The following CENPW variants were observed in gnomAD, a reference collection of about 807,000 sequenced individuals.
CENPW encodes the protein cancer-up-regulated gene 2 protein.
Under a neutral mutation model 11.1 loss-of-function variants are expected in CENPW, and 3 were observed. The ratio of observed to expected loss-of-function variants is 0.27; its 90% CI spans 0.12 to 0.70. CENPW has a LOEUF of 0.70. CENPW is among the 30% of genes least tolerant of loss of function. The pLI, the probability that CENPW is intolerant of heterozygous loss-of-function variation, is 0.77. For synonymous variants in CENPW, 38 were observed against 42.0 expected (o/e 0.91, Z 0.37); for missense variants, 100 against 105.6 (o/e 0.95, Z 0.23).
the CENPW span, among the ~76,000 whole-genome samples, chr6:126,359,317 T>C: frequency 2.0e-5 from 3 of 152,106 alleles, no homozygotes; most frequent in South Asian, 2.1e-4. Context: ...TTTTTTTTAA[T>C]TTATTGAGAC....
At chr6:126,469,426 CTT>C in the CENPW span, among the ~76,000 whole-genome samples, 3 of 152,132 alleles carry the variant, frequency 2.0e-5, no homozygotes, top group East Asian at 1.9e-4. Context: ...AGTTAAACCT[CTT>C]GTTTATAAAT....
At chr6:126,342,518 A>G (rs1479729654) in intron 1 of CENPW, among the ~76,000 whole-genome samples, 2 of 152,098 alleles carry the variant, frequency 1.3e-5, no homozygotes, top group East Asian at 1.9e-4. Context: ...GTCTCCCATT[A>G]TCTTTAACAC....
chr6:126,359,935 C>T, the CENPW span, among the ~76,000 whole-genome samples: 1 of 151,840 alleles, frequency 6.6e-6, no homozygotes, highest in Non-Finnish European at 1.5e-5. Flanking sequence ...TACATTCAGG[C>T]CTGGTATTGG....
At chr6:126,459,651 T>G in the CENPW span, among the ~76,000 whole-genome samples, 1 of 151,562 alleles carries the variant, frequency 6.6e-6, no homozygotes, top group Non-Finnish European at 1.5e-5. Flanking sequence ...ATCTTGTATA[T>G]TAGCTTGCAA....
the CENPW span, among the ~76,000 whole-genome samples, chr6:126,413,102 C>A: frequency 2.0e-5 from 3 of 151,926 alleles, no homozygotes; most frequent in Non-Finnish European, 4.4e-5. Context: ...GCTTCTGATA[C>A]CTTCATTCCA....
chr6:126,366,849 G>A, the CENPW span, among the ~76,000 whole-genome samples: 4 of 152,214 alleles, frequency 2.6e-5, no homozygotes, highest in East Asian at 7.7e-4. Context: ...CCTGCATCTA[G>A]GGAAGGTCTT....
rs980024630 is a variant in CENPW at position 126,340,521 on chromosome 6, A to G, written c.126+122A>G. ...GCTCTTTCAGGCCCCTGTTTAAGGC[A>G]GTTCCAACAATGACAGGGAACGTAT... is the stretch of plus-strand genomic sequence containing the variant. On this transcript the variant is annotated intron_variant, in intron 1 of 2. Transcript: ENST00000368328. 4 of 1,405,160 alleles carry G rather than the reference A, an allele frequency of 2.8e-6. No individual in the cohort carries two copies. In the African/African-American group the frequency reaches 4.3e-5, roughly 15 times the overall value. The allele number at this position is 1,405,160 out of a possible 1,614,324, so 87.0% of individuals were successfully genotyped here.
the CENPW span, among the ~76,000 whole-genome samples, chr6:126,477,470 G>A: frequency 1.6e-4 from 24 of 151,864 alleles, no homozygotes; most frequent in East Asian, 3.5e-3. Context: ...ATAATAGCTC[G>A]TTGAACCAAC....
chr6:126,426,960 T>G, the CENPW span, among the ~76,000 whole-genome samples: 1 of 152,196 alleles, frequency 6.6e-6, no homozygotes, highest in Non-Finnish European at 1.5e-5. Context: ...AAACAGTAGA[T>G]AATCCTTATA....
the CENPW span, among the ~76,000 whole-genome samples, chr6:126,361,903 C>T: frequency 6.6e-6 from 1 of 152,204 alleles, no homozygotes; most frequent in Non-Finnish European, 1.5e-5. Flanking sequence ...CAGCTCAGTA[C>T]TCCAGAGCTG....
chr6:126,460,116 C>T, the CENPW span, among the ~76,000 whole-genome samples: 35 of 151,460 alleles, frequency 2.3e-4, no homozygotes, highest in Non-Finnish European at 4.3e-4. Context: ...ACCAAATTTT[C>T]GGTAACTTAG....
At chr6:126,436,388 C>A in the CENPW span, among the ~76,000 whole-genome samples, 1 of 151,834 alleles carries the variant, frequency 6.6e-6, no homozygotes, top group Non-Finnish European at 1.5e-5. Context: ...GATCACAAAT[C>A]TGTTAGTTGA....
At chr6:126,403,604 AG>A in the CENPW span, among the ~76,000 whole-genome samples, 1 of 152,126 alleles carries the variant, frequency 6.6e-6, no homozygotes, top group African/African-American at 2.4e-5. Context: ...AGACTAGCAT[AG>A]GTTGATTCAT....
At chr6:126,343,472 A>C (rs1780351486) in intron 1 of CENPW, among the ~76,000 whole-genome samples, 2 of 152,212 alleles carry the variant, frequency 1.3e-5, no homozygotes, top group African/African-American at 4.8e-5. Flanking sequence ...ATTGACCCAC[A>C]CAGTCACAAG....
chr6:126,394,460 C>T, the CENPW span, among the ~76,000 whole-genome samples: 2 of 152,074 alleles, frequency 1.3e-5, no homozygotes, highest in East Asian at 3.9e-4. Context: ...CTTTTTAACT[C>T]TTCATTGTGT....
the CENPW span, among the ~76,000 whole-genome samples, chr6:126,442,728 G>C: frequency 6.6e-6 from 1 of 151,130 alleles, no homozygotes; most frequent in Non-Finnish European, 1.5e-5. Context: ...GGGTTCAAAT[G>C]TAAGTCAAAA....
At chr6:126,407,401 G>T in the CENPW span, among the ~76,000 whole-genome samples, 1 of 152,074 alleles carries the variant, frequency 6.6e-6, no homozygotes, top group African/African-American at 2.4e-5. Context: ...ACATACATGT[G>T]CATGTATCTT....
chr6:126,373,689 C>T, the CENPW span, among the ~76,000 whole-genome samples: 1 of 152,174 alleles, frequency 6.6e-6, no homozygotes, highest in Non-Finnish European at 1.5e-5. Context: ...GATGTCTTAT[C>T]CTCCGGAACC....
chr6:126,450,344 T>C, the CENPW span, among the ~76,000 whole-genome samples: 1 of 151,028 alleles, frequency 6.6e-6, no homozygotes, highest in Non-Finnish European at 1.5e-5. Context: ...TTACTAAGTA[T>C]TAAAGATGAA....
Sources: gnomAD v4.1 joint callset for allele counts (sites outside exome capture counted in the v4.1 genomes callset) on GRCh38, gnomAD v4.1.1 for gene constraint, MANE v1.5 for transcripts, NCBI Gene and HGNC (gene_info 2026-07-23, HGNC 2026-07-21) for gene names.